Variants in ZFPM2 observed in about 807,000 individuals in gnomAD.
The protein encoded by ZFPM2 is zinc finger protein, FOG family member 2, also known as zinc finger protein ZFPM2.
A neutral mutation model predicts 98.6 loss-of-function variants in ZFPM2; 20 were observed. The observed-to-expected ratio is 0.20, with a 90% CI of 0.14 to 0.29. ZFPM2 has a LOEUF of 0.29. Among genes scored for constraint, ZFPM2 ranks in the 10% least tolerant of loss-of-function variants. The pLI, the probability that ZFPM2 is intolerant of heterozygous loss-of-function variation, is 1.00. For missense variants in ZFPM2, 1,310 were observed against 1,388.6 expected, an observed-to-expected ratio of 0.94 and a Z score of 0.90; for synonymous variants, 518 against 502.7, an observed-to-expected ratio of 1.03 and a Z score of -0.41.
chr8:105,331,139 T>C (rs1467714507), intron 1 of ZFPM2, among the ~76,000 whole-genome samples: 1 of 145,314 alleles, frequency 6.9e-6, no homozygotes, highest in Non-Finnish European at 1.5e-5. Context: ...TTGAACTGGG[T>C]ATATATTATA....
chr8:105,742,124 G>C (rs1339483510), intron 5 of ZFPM2, among the ~76,000 whole-genome samples: 1 of 151,810 alleles, frequency 6.6e-6, no homozygotes, highest in African/African-American at 2.4e-5. Context: ...TGGAGGCCAA[G>C]GCAAGATGGA....
chr8:105,530,287 C>G (rs965752474), intron 3 of ZFPM2, among the ~76,000 whole-genome samples: 11 of 152,078 alleles, frequency 7.2e-5, no homozygotes, highest in Admixed American at 7.2e-4. Context: ...TCTCAGCATC[C>G]TTGGTGGATT....
intron 5 of ZFPM2, among the ~76,000 whole-genome samples, chr8:105,684,324 A>G (rs183867847): frequency 1.3e-5 from 2 of 152,254 alleles, no homozygotes; most frequent in Admixed American, 6.5e-5. Context: ...ATGAAAGTAT[A>G]GCCATGTATA....
At chr8:105,561,209 C>G (rs1449073341) in intron 3 of ZFPM2, among the ~76,000 whole-genome samples, 154 bp from the exon 4 acceptor site, 3 of 152,122 alleles carry the variant, frequency 2.0e-5, no homozygotes, top group African/African-American at 7.2e-5. Context: ...ATTTTCCTCT[C>G]AGGTTAAGAT....
intron 4 of ZFPM2, among the ~76,000 whole-genome samples, chr8:105,615,020 A>C (rs1304444191): frequency 6.6e-6 from 1 of 152,132 alleles, no homozygotes. Context: ...TGTGTTGTAG[A>C]ATAGTGTGAT....
intron 1 of ZFPM2, among the ~76,000 whole-genome samples, chr8:105,410,371 A>G (rs536564961): frequency 2.3e-4 from 35 of 151,970 alleles, no homozygotes; most frequent in Admixed American, 2.3e-3. Flanking sequence ...GATTTAAGAA[A>G]CTTGGTCGCC....
chr8:105,660,586 C>T (rs1419181547), intron 5 of ZFPM2, among the ~76,000 whole-genome samples: 1 of 152,100 alleles, frequency 6.6e-6, no homozygotes, highest in East Asian at 1.9e-4. Flanking sequence ...TATAAATGTG[C>T]GTATATGAAT....
intron 5 of ZFPM2, chr8:105,782,612 A>G (rs1357541016): frequency 6.6e-6 from 1 of 152,162 alleles, no homozygotes; most frequent in African/African-American, 2.4e-5. Flanking sequence ...AAACACCAAA[A>G]TCTGAGGATG....
chr8:105,506,609 G>GT (rs1411582690), intron 3 of ZFPM2, among the ~76,000 whole-genome samples: 3 of 152,032 alleles, frequency 2.0e-5, no homozygotes, highest in African/African-American at 2.4e-5. Context: ...CATTCATGGT[G>GT]TTTTTTTACT....
intron 3 of ZFPM2, among the ~76,000 whole-genome samples, chr8:105,542,128 G>A (rs1814587210): frequency 6.6e-6 from 1 of 151,990 alleles, no homozygotes; most frequent in African/African-American, 2.4e-5. Flanking sequence ...TATGAAAAAT[G>A]GTTATTTTGC....
At chr8:105,386,994 G>T (rs1252942553) in intron 1 of ZFPM2, among the ~76,000 whole-genome samples, 4 of 152,160 alleles carry the variant, frequency 2.6e-5, no homozygotes, top group African/African-American at 7.2e-5. Context: ...GCTGATTGGT[G>T]TATTTCCAAA....
intron 5 of ZFPM2, among the ~76,000 whole-genome samples, chr8:105,673,675 G>A (rs1376063223): frequency 3.9e-5 from 6 of 152,128 alleles, no homozygotes; most frequent in East Asian, 1.9e-4. Context: ...AGAAAAATAC[G>A]CTCATTACTA....
chr8:105,649,592 T>C (rs1326868506), intron 5 of ZFPM2, among the ~76,000 whole-genome samples: 3 of 152,298 alleles, frequency 2.0e-5, no homozygotes, highest in Admixed American at 2.0e-4. Context: ...TAGCATGAAG[T>C]GCTGTTGAAT....
At position 105,795,829 on chromosome 8, in the gene ZFPM2, A is replaced by G. The variant is rs748289599; in HGVS notation, c.740-2895A>G. ...TGTGTTCTAGCCATATCTGATTTTT[A>G]TCTAGCTCTATGAAAACACATGAGT... On this transcript the variant is annotated intron_variant, in intron 6 of 7. Transcript: ENST00000407775. 3 of 482,252 alleles carry G rather than the reference A, an allele frequency of 6.2e-6. No homozygotes were observed. The Admixed American group carries it at 6.4e-5, about 10-fold the overall frequency. 29.9% of individuals were successfully genotyped at this position (482,252 alleles called of 1,614,324 possible).
rs1554604944 is a variant in ZFPM2 at position 105,441,455 on chromosome 8, A to AGAGAGAAAGGAAGG, written c.200-2825_200-2824insGAGAGAAAGGAAGG. Among the ~76,000 whole-genome samples, 19 of 56,554 alleles carry AGAGAGAAAGGAAGG rather than the reference A, an allele frequency of 3.4e-4. 5 individuals carry two copies. The highest frequency in any genetic ancestry group is 8.9e-4 in the African/African-American group (9 of 10,092). The allele number at this position is 56,554 out of a possible 152,430, so 37.1% of individuals were successfully genotyped here. ...AAGAAAGAGAGAGAGAGAGAGAGAG[A>AGAGAGAAAGGAAGG]AAGAAAGAAAGAAAGAAAGAAAGAA... is the stretch of plus-strand genomic sequence containing the variant. On this transcript the variant is annotated intron_variant, in intron 2 of 7. Transcript: ENST00000407775.
intron 3 of ZFPM2, among the ~76,000 whole-genome samples, chr8:105,549,885 A>T (rs1254575776): frequency 6.6e-6 from 1 of 151,952 alleles, no homozygotes; most frequent in African/African-American, 2.4e-5. Flanking sequence ...AAGCACTGGG[A>T]TTACAGACAT....
At chr8:105,532,933 C>T (rs370630799) in intron 3 of ZFPM2, among the ~76,000 whole-genome samples, 1 of 152,044 alleles carries the variant, frequency 6.6e-6, no homozygotes, top group African/African-American at 2.4e-5. Context: ...TTTGTGAGTG[C>T]ACCTGGGGTG....
chr8:105,527,593 C>G (rs1276389597), intron 3 of ZFPM2, among the ~76,000 whole-genome samples: 2 of 152,156 alleles, frequency 1.3e-5, no homozygotes. Flanking sequence ...GGCAGAATGC[C>G]CTTTTTGTAG....
chr8:105,597,229 C>A (rs951879151), intron 4 of ZFPM2, among the ~76,000 whole-genome samples: 15 of 152,016 alleles, frequency 9.9e-5, no homozygotes, highest in Non-Finnish European at 2.2e-4. Flanking sequence ...TTTGAATTGG[C>A]AGGAGTCGAC....
Sources: allele counts gnomAD v4.1 joint callset (sites outside exome capture counted in the v4.1 genomes callset), GRCh38; gene constraint gnomAD v4.1.1; transcripts MANE v1.5; gene names NCBI Gene and HGNC (gene_info 2026-07-23, HGNC 2026-07-21).